The following KAT2B variants were observed in gnomAD, a reference collection of about 807,000 sequenced individuals.
KAT2B encodes lysine acetyltransferase 2B.
In KAT2B, 36 loss-of-function variants were observed where a neutral mutation model predicts 105.9. The ratio of observed to expected loss-of-function variants is 0.34; its 90% CI spans 0.26 to 0.45. The LOEUF is 0.45. KAT2B is among the 20% of genes least tolerant of loss of function. The pLI is 1.00. For synonymous variants in KAT2B, 397 were observed against 377.9 expected (o/e 1.05, Z -0.59); for missense variants, 820 against 1,021.6 (o/e 0.80, Z 2.69).
chr3:20,082,885 C>G lies in KAT2B; in HGVS notation c.430+10426C>G, dbSNP rs181274730. On this transcript the variant is annotated intron_variant, in intron 2 of 17. Transcript: ENST00000263754. ...AGAAAAAGACTAACATCTTAAAAAC[C>G]AAGCAAAGGAACTCAAATTGGCAGG... Among the ~76,000 whole-genome samples, 548 of 152,132 alleles carry G rather than the reference C, an allele frequency of 3.6e-3. 6 individuals carry two copies. The highest frequency in any genetic ancestry group is 0.012 in the African/African-American group (518 of 41,536).
intron 1 of KAT2B, among the ~76,000 whole-genome samples, chr3:20,067,864 G>A (rs1448319945): frequency 6.6e-6 from 1 of 151,854 alleles, no homozygotes; most frequent in Non-Finnish European, 1.5e-5. Context: ...TAATAGAGAT[G>A]GGGTCTTGCC....
Position 20,050,936 on chromosome 3 carries a change from C to T in KAT2B, c.303+10156C>T, listed in dbSNP as rs374824398. 4.7e-4 allele frequency among the ~76,000 whole-genome samples: 72 copies of T among 152,148 alleles called. No individual in the cohort carries two copies. The South Asian group carries it at 6.8e-3, about 14-fold the overall frequency. On this transcript the variant is annotated intron_variant, in intron 1 of 17. Coordinates refer to ENST00000263754, the MANE Select transcript of KAT2B (RefSeq NM_003884.5). Reference sequence around the variant, plus strand: ...AAGGAGGTGGCCGGGTATGGTGGCTCATGCCTATAATCCCAGCACTTTGAG... The same window carrying T: ...AAGGAGGTGGCCGGGTATGGTGGCTTATGCCTATAATCCCAGCACTTTGAG...
chr3:20,053,637 G>T (rs1469903045), intron 1 of KAT2B, among the ~76,000 whole-genome samples: 2 of 152,124 alleles, frequency 1.3e-5, no homozygotes, highest in Non-Finnish European at 2.9e-5. Flanking sequence ...ATATATTCTA[G>T]AAGTCTGTAT....
intron 2 of KAT2B, among the ~76,000 whole-genome samples, chr3:20,081,439 G>A (rs1486070726): frequency 6.6e-6 from 1 of 152,144 alleles, no homozygotes; most frequent in Non-Finnish European, 1.5e-5. Context: ...TGGCACCCTG[G>A]GTGTTTGCAA....
At chr3:20,051,220 AC>A (rs1338738052) in intron 1 of KAT2B, among the ~76,000 whole-genome samples, 1 of 149,470 alleles carries the variant, frequency 6.7e-6, no homozygotes, top group Non-Finnish European at 1.5e-5. Flanking sequence ...AAAAACCCAA[AC>A]AAAAAAAACA....
chr3:20,091,747 C>T (rs147575538), intron 2 of KAT2B, among the ~76,000 whole-genome samples: 1 of 152,122 alleles, frequency 6.6e-6, no homozygotes, highest in African/African-American at 2.4e-5. Flanking sequence ...TCTTCTCTGA[C>T]CCATTGGTTG....
intron 13 of KAT2B, among the ~76,000 whole-genome samples, chr3:20,142,414 G>C (rs932554069): frequency 6.6e-6 from 1 of 152,120 alleles, no homozygotes; most frequent in Non-Finnish European, 1.5e-5. Flanking sequence ...ACAGAATTCA[G>C]TTGATTTTTT....
At position 20,072,556 on chromosome 3, in the gene KAT2B, G is replaced by A. The variant is rs3828348; in HGVS notation, c.430+97G>A. On this transcript the variant is annotated intron_variant, in intron 2 of 17. Transcript: ENST00000263754. Reference sequence around the variant, plus strand: ...TGTGGGTTCACCAAATTTGAATGCTGTGTACCTCTGTATGAGAGCAACAAC... The same window carrying A: ...TGTGGGTTCACCAAATTTGAATGCTATGTACCTCTGTATGAGAGCAACAAC... 445,045 of 1,157,772 alleles carry A rather than the reference G, an allele frequency of 0.38. 86,932 individuals carry two copies. The highest frequency in any genetic ancestry group is 0.49 in the African/African-American group (32,118 of 65,822). The allele number at this position is 1,157,772 out of a possible 1,614,324, so 71.7% of individuals were successfully genotyped here.
chr3:20,054,166 G>A (rs1292817549), intron 1 of KAT2B, among the ~76,000 whole-genome samples: 1 of 150,454 alleles, frequency 6.6e-6, no homozygotes, highest in Non-Finnish European at 1.5e-5. Flanking sequence ...GTCTCGCTCT[G>A]TCACCTAGGC....
intron 1 of KAT2B, among the ~76,000 whole-genome samples, chr3:20,057,285 A>G (rs1395155013): frequency 6.6e-6 from 1 of 152,172 alleles, no homozygotes; most frequent in African/African-American, 2.4e-5. Context: ...CTGGGCAGAA[A>G]TGCTGGATGT....
chr3:20,087,666 C>T (rs79185862), intron 2 of KAT2B, among the ~76,000 whole-genome samples: 2,926 of 152,266 alleles, frequency 0.019, 102 homozygotes, highest in African/African-American at 0.066. Flanking sequence ...CCGTACCTCA[C>T]GTTCCAAGTC....
At chr3:20,060,731 C>T (rs559687058) in intron 1 of KAT2B, among the ~76,000 whole-genome samples, 2 of 151,632 alleles carry the variant, frequency 1.3e-5, no homozygotes, top group South Asian at 2.1e-4. Context: ...TTGAGACCAG[C>T]GTGAGTAACA....
chr3:20,121,563 C>T (rs894818625), intron 8 of KAT2B, among the ~76,000 whole-genome samples: 1 of 152,004 alleles, frequency 6.6e-6, no homozygotes, highest in African/African-American at 2.4e-5. Flanking sequence ...TGGTCCTGCT[C>T]ACTTTGTGAG....
intron 11 of KAT2B, among the ~76,000 whole-genome samples, chr3:20,129,870 C>G (rs1699478362): frequency 1.3e-5 from 2 of 152,164 alleles, no homozygotes; most frequent in East Asian, 3.9e-4. Context: ...AAGTAAGTCC[C>G]TGAAAGGAAT....
rs1698883621 is a variant in KAT2B, at chr3:20,100,099, T to G, written c.669+145T>G. On this transcript the variant is annotated intron_variant, in intron 4 of 17. Transcript: ENST00000263754. ...AGTCTGTGGAAATTGTCCTGGAGGC[T>G]TTGGATCAGAGGTGTATACCTAATT... The G allele has an allele frequency of 1.7e-5, 10 of 585,050 alleles. No homozygotes were observed. The East Asian group carries it at 2.8e-4, about 16-fold the overall frequency. 36.2% of individuals were successfully genotyped at this position (585,050 alleles called of 1,614,324 possible). A position where few individuals can be genotyped will look rare whatever the true frequency, so the allele number is the denominator to read the frequency against.
At chr3:20,080,111 C>G (rs1004465558) in intron 2 of KAT2B, among the ~76,000 whole-genome samples, 3 of 152,160 alleles carry the variant, frequency 2.0e-5, no homozygotes, top group East Asian at 1.9e-4. Flanking sequence ...CTGGCTTTCC[C>G]ATAAAGTGAT....
At chr3:20,095,706 C>T (rs1698796625) in intron 3 of KAT2B, among the ~76,000 whole-genome samples, 1 of 152,202 alleles carries the variant, frequency 6.6e-6, no homozygotes, top group Non-Finnish European at 1.5e-5. Context: ...CTGCATGTGG[C>T]ACTAACGTAG....
At chr3:20,062,303 A>AATATT (rs1559514573) in intron 1 of KAT2B, among the ~76,000 whole-genome samples, 2 of 46,302 alleles carry the variant, frequency 4.3e-5, no homozygotes, top group Non-Finnish European at 1.2e-4. Flanking sequence ...TAATATATAA[A>AATATT]ATATAATATA....
chr3:20,151,211 T>C (rs1699863470), intron 17 of KAT2B, among the ~76,000 whole-genome samples: 1 of 152,212 alleles, frequency 6.6e-6, no homozygotes, highest in Non-Finnish European at 1.5e-5. Context: ...CTAACCAAGA[T>C]AGGCTTTATT....
Sources: allele counts gnomAD v4.1 joint callset (sites outside exome capture counted in the v4.1 genomes callset), GRCh38; gene constraint gnomAD v4.1.1; transcripts MANE v1.5; gene names NCBI Gene and HGNC (gene_info 2026-07-23, HGNC 2026-07-21).